Variants in ASB3 observed in about 807,000 individuals in gnomAD.
ASB3 encodes ankyrin repeat and SOCS box protein 3.
ASB3 carries 41 observed loss-of-function variants against 54.5 expected under a neutral mutation model. The ratio of observed to expected loss-of-function variants is 0.75; its 90% confidence interval spans 0.59 to 0.98. ASB3 has a LOEUF of 0.98. ASB3 is among the 50% of genes least tolerant of loss of function. ASB3 has a pLI of 0.00. For missense variants in ASB3, 733 were observed against 620.0 expected, an observed-to-expected ratio of 1.18 and a Z score of -1.94; for synonymous variants, 266 against 221.2, an observed-to-expected ratio of 1.20 and a Z score of -1.80.
intron 1 of ASB3, chr2:53,774,352 G>A (rs1301845196): frequency 5.0e-6 from 8 of 1,613,152 alleles, no homozygotes; most frequent in Non-Finnish European, 6.8e-6. Context: ...GGAAGACATT[G>A]CTGAACAAAT....
In ASB3 at chr2:53,774,715, G is replaced by T. The variant is rs577073740; in HGVS notation, c.-13-9130C>A. The T allele has an allele frequency of 1.1e-5, 5 of 475,976 alleles. No individual in the cohort carries two copies. In the South Asian group the frequency reaches 1.9e-4, roughly 18 times the overall value. 29.5% of individuals were successfully genotyped at this position (475,976 alleles called of 1,614,324 possible). A position where few individuals can be genotyped will look rare whatever the true frequency, so the allele number is the denominator to read the frequency against. On this transcript the variant is annotated intron_variant, in intron 1 of 9. Coordinates refer to ENST00000263634, the MANE Select transcript of ASB3 (RefSeq NM_016115.5). ...AAAATTCAAATTTTAATAACATAAA[G>T]ATTTCCTAACTTTATGTTATTGAAC...
At chr2:53,753,595 G>C (rs543111794) in intron 2 of ASB3, among the ~76,000 whole-genome samples, 8 of 151,848 alleles carry the variant, frequency 5.3e-5, no homozygotes, top group African/African-American at 1.9e-4. Flanking sequence ...ATCAATGACA[G>C]TCCAGTAGCA....
In ASB3 at chr2:53,777,646, A is replaced by G. The variant is rs558291185; in HGVS notation, c.-14+9175T>C. 3.3e-5 allele frequency among the ~76,000 whole-genome samples: 5 copies of G among 152,082 alleles called. No individual in the cohort carries two copies. The South Asian group carries it at 1.0e-3, about 31-fold the overall frequency. ...TCCCAACCAGAAAATCTGGTCCCAC[A>G]TTACCTCCCTGTACATAATACACAT... On this transcript the variant is annotated intron_variant, in intron 1 of 9. Transcript: ENST00000263634.
chr2:53,786,175 G>A (rs1674982383), intron 1 of ASB3: 1 of 152,118 alleles, frequency 6.6e-6, no homozygotes, highest in African/African-American at 2.4e-5. Context: ...TTCTAAAGAG[G>A]GGGAGGGAAA....
chr2:53,779,468 G>A (rs571904639), intron 1 of ASB3, among the ~76,000 whole-genome samples: 13 of 151,556 alleles, frequency 8.6e-5, no homozygotes, highest in South Asian at 6.2e-4. Flanking sequence ...ACAGGGTCTC[G>A]CTCTGTTGCC....
chr2:53,705,918 T>A (rs1380401898), intron 7 of ASB3, among the ~76,000 whole-genome samples: 1 of 152,120 alleles, frequency 6.6e-6, no homozygotes, highest in African/African-American at 2.4e-5. Flanking sequence ...AAACAGGCAA[T>A]ATCCTAGAAT....
At chr2:53,729,075 T>C (rs1006756719) in intron 4 of ASB3, among the ~76,000 whole-genome samples, 2 of 152,178 alleles carry the variant, frequency 1.3e-5, no homozygotes, top group African/African-American at 4.8e-5. Flanking sequence ...CACTGATCTC[T>C]AGGAATTATA....
intron 8 of ASB3, among the ~76,000 whole-genome samples, chr2:53,696,684 A>G (rs1279864940): frequency 6.6e-6 from 1 of 152,214 alleles, no homozygotes; most frequent in East Asian, 1.9e-4. Context: ...AACCAATGGT[A>G]GATTGAGAAT....
chr2:53,706,764 G>C (rs2103795879), intron 7 of ASB3, among the ~76,000 whole-genome samples: 1 of 152,192 alleles, frequency 6.6e-6, no homozygotes, highest in South Asian at 2.1e-4. Flanking sequence ...TTTCTTAATA[G>C]GAAGTCTTCC....
At chr2:53,765,226 C>A in intron 2 of ASB3, 151 bp downstream of exon 2, 2 of 1,160,632 alleles carry the variant, frequency 1.7e-6, no homozygotes, top group Non-Finnish European at 2.4e-6. Context: ...GGCAGGCAAT[C>A]TTACTATCCT....
chr2:53,698,867 G>C (rs1432787831), intron 8 of ASB3, among the ~76,000 whole-genome samples: 1 of 152,078 alleles, frequency 6.6e-6, no homozygotes, highest in Non-Finnish European at 1.5e-5. Context: ...GCTTTTTCTA[G>C]ACTGTTCTTC....
In ASB3 at chr2:53,716,685, T is replaced by C. The variant is rs1449745644; in HGVS notation, c.663A>G (p.Gln221=). 2 of 1,614,018 alleles carry C rather than the reference T, an allele frequency of 1.2e-6. No homozygotes were observed. The highest frequency in any genetic ancestry group is 1.3e-5 in the African/African-American group (1 of 74,916). ...GCTCCACACATTTTGTGTGTCCCTC[T>C]TGAGCAGCAATGAACAAGGGTGTAG... The part of the protein sequence containing the change: ...DKATPLFIAA[Q]EGHTKCVELL... Residue 221 remains glutamine, a synonymous_variant, in exon 6 of 10, where the codon CAA becomes CAG. Coordinates refer to ENST00000263634, the MANE Select transcript of ASB3 (RefSeq NM_016115.5).
rs143781178 is a variant in ASB3, at chr2:53,714,407, A to G, written c.957T>C (p.Pro319=). 45 of 1,614,116 alleles carry G rather than the reference A, an allele frequency of 2.8e-5. No homozygotes were observed. Among genetic ancestry groups the G allele is most frequent in the Non-Finnish European group, 3.4e-5 (40 of 1,180,034 alleles). ...QACLVFGFSS[P]VCMAFQKDCE... ...ACTCCTTTTGGAAAGCCATGCACACAGGAGAACTGAATCCAAAAACAAGGC... is the reference window on the plus strand; with the variant it reads ...ACTCCTTTTGGAAAGCCATGCACACGGGAGAACTGAATCCAAAAACAAGGC... Residue 319 remains proline (P), a synonymous_variant, in exon 7 of 10, where the codon CCT becomes CCC. Transcript: ENST00000263634.
chr2:53,687,449 G>A (rs1219034290), intron 9 of ASB3, among the ~76,000 whole-genome samples: 1 of 152,144 alleles, frequency 6.6e-6, no homozygotes, highest in African/African-American at 2.4e-5. Flanking sequence ...AAGATAACAG[G>A]CAATTACTGA....
At chr2:53,728,619 C>T (rs1671136469) in intron 5 of ASB3, 93 bp downstream of exon 5, 3 of 1,358,184 alleles carry the variant, frequency 2.2e-6, no homozygotes, top group African/African-American at 1.5e-5. Context: ...AATTTCACAA[C>T]CTGATTTATA....
intron 9 of ASB3, among the ~76,000 whole-genome samples, chr2:53,686,902 G>A (rs1287610961): frequency 6.6e-6 from 1 of 151,990 alleles, no homozygotes; most frequent in Non-Finnish European, 1.5e-5. Context: ...TGTATTTTCA[G>A]TAGAGACAGG....
chr2:53,689,544 C>A (rs1196944840), intron 9 of ASB3, among the ~76,000 whole-genome samples: 1 of 152,182 alleles, frequency 6.6e-6, no homozygotes, highest in Non-Finnish European at 1.5e-5. Context: ...TGATTCCTAA[C>A]CCTAAGCTTT....
intron 2 of ASB3, among the ~76,000 whole-genome samples, chr2:53,761,611 G>A (rs1379484701): frequency 6.6e-6 from 1 of 152,074 alleles, no homozygotes. Context: ...ACTTCCCCTG[G>A]TTCTCAGGCC....
At position 53,684,915 on chromosome 2, in the gene ASB3, G is replaced by A. The variant is rs1020641216; in HGVS notation, c.1369+8969C>T. On this transcript the variant is annotated intron_variant, in intron 9 of 9. Transcript: ENST00000263634. ...TTTAGAGATGAATTACTACAAGTAT[G>A]AATCAATAACGTTAAAAGGAGCAGG... 2.6e-5 allele frequency among the ~76,000 whole-genome samples: 4 copies of A among 152,298 alleles called. No homozygotes were observed. In the East Asian group the frequency reaches 5.8e-4, roughly 22 times the overall value.
Sources: gnomAD v4.1 joint callset for allele counts (sites outside exome capture counted in the v4.1 genomes callset) on GRCh38, gnomAD v4.1.1 for gene constraint, MANE v1.5 for transcripts, NCBI Gene and HGNC (gene_info 2026-07-23, HGNC 2026-07-21) for gene names.